Variants in TRPC5 observed in about 807,000 individuals in gnomAD.
TRPC5 encodes the protein short transient receptor potential channel 5.
TRPC5 carries 9 observed loss-of-function variants against 56.5 expected under a neutral mutation model. The ratio of observed to expected loss-of-function variants is 0.16; its 90% CI spans 0.10 to 0.28. The LOEUF (loss-of-function observed/expected upper bound fraction) is 0.28, where lower values mean the gene tolerates loss of function less well. TRPC5 is among the 10% of genes least tolerant of loss of function. The pLI is 1.00. For missense variants in TRPC5, 469 were observed against 748.9 expected, an observed-to-expected ratio of 0.63 and a Z score of 4.36; for synonymous variants, 282 against 278.5, an observed-to-expected ratio of 1.01 and a Z score of -0.13.
At chrX:112,064,464 C>T (rs147737480) in intron 1 of TRPC5, among the ~76,000 whole-genome samples, 3,585 of 111,945 alleles carry the variant, frequency 0.032, 74 homozygotes, top group Non-Finnish European at 0.05. Flanking sequence ...TATATTCCCT[C>T]CTGCAATGTG....
chrX:111,934,209 TAA>T (rs1403668253), intron 2 of TRPC5, among the ~76,000 whole-genome samples: 1 of 110,197 alleles, frequency 9.1e-6, no homozygotes, highest in Non-Finnish European at 1.9e-5. Flanking sequence ...ACCAGTGCCA[TAA>T]AGTGTTTCTC....
chrX:112,074,982 C>T (rs1268683592), intron 1 of TRPC5, among the ~76,000 whole-genome samples: 1 of 112,467 alleles, frequency 8.9e-6, no homozygotes, highest in African/African-American at 3.2e-5. Flanking sequence ...CAACATCAAA[C>T]ATCCTGCGAC....
chrX:111,997,358 C>T (rs1475005491), intron 1 of TRPC5, among the ~76,000 whole-genome samples: 5 of 111,832 alleles, frequency 4.5e-5, no homozygotes, highest in Admixed American at 9.5e-5. Flanking sequence ...GGGTTTCTGA[C>T]GAGAGATCTG....
intron 1 of TRPC5, among the ~76,000 whole-genome samples, chrX:112,064,178 AAT>A (rs746948567): frequency 8.9e-6 from 1 of 111,924 alleles, no homozygotes; most frequent in South Asian, 3.8e-4. Flanking sequence ...TTGAAATTAT[AAT>A]ATATCTTGCT....
intron 7 of TRPC5, among the ~76,000 whole-genome samples, chrX:111,832,215 C>A (rs887073098): frequency 8.9e-6 from 1 of 111,882 alleles, no homozygotes; most frequent in African/African-American, 3.3e-5. Flanking sequence ...CATGGAAATA[C>A]AAATTGCTAC....
chrX:111,979,214 C>T (rs917194218), intron 1 of TRPC5, among the ~76,000 whole-genome samples: 6 of 111,086 alleles, frequency 5.4e-5, no homozygotes, highest in Non-Finnish European at 9.5e-5. Flanking sequence ...AAAGGCAATT[C>T]GTGGATAAAG....
intron 1 of TRPC5, among the ~76,000 whole-genome samples, chrX:112,011,100 A>G (rs997950092): frequency 3.6e-5 from 4 of 111,332 alleles, no homozygotes; most frequent in African/African-American, 1.3e-4. Flanking sequence ...TAGGGGGAAA[A>G]AAGGATCAGC....
intron 2 of TRPC5, among the ~76,000 whole-genome samples, chrX:111,922,648 G>C (rs191105818): frequency 5.4e-5 from 6 of 112,060 alleles, no homozygotes; most frequent in Admixed American, 4.8e-4. Context: ...AGATGGAAAA[G>C]TATCTGTTTC....
intron 1 of TRPC5, among the ~76,000 whole-genome samples, chrX:111,987,438 A>G (rs1476419406): frequency 1.8e-5 from 2 of 111,115 alleles, no homozygotes; most frequent in Non-Finnish European, 3.8e-5. Flanking sequence ...GTAACTATAG[A>G]CCCCATGCTA....
At chrX:111,905,655 C>CT (rs1925568920) in intron 3 of TRPC5, among the ~76,000 whole-genome samples, 1 of 111,763 alleles carries the variant, frequency 8.9e-6, no homozygotes, top group East Asian at 2.8e-4. Flanking sequence ...TGGCTCACGC[C>CT]TGTAATCCCA....
At chrX:111,804,351 T>C (rs896686765) in intron 7 of TRPC5, among the ~76,000 whole-genome samples, 5 of 112,091 alleles carry the variant, frequency 4.5e-5, no homozygotes, top group Non-Finnish European at 9.4e-5. Context: ...TTTGGTTCCA[T>C]ATGAACTTTA....
rs1422683761 is a variant in TRPC5, at chrX:111,768,171, A to G, written c.*8142T>C. 8.9e-6 allele frequency among the ~76,000 whole-genome samples: 1 copy of G among 112,489 alleles called. No individual in the cohort carries two copies. Among genetic ancestry groups the G allele is most frequent in the East Asian group, 2.8e-4 (1 of 3,608 alleles). On this transcript the variant is annotated 3_prime_UTR_variant, in exon 11 of 11. Transcript: ENST00000262839. The stretch of plus-strand genomic sequence containing the variant: ...GTGATAGTTATTCAAAGAGATTTCC[A>G]CTTTGAAAATAGTCTTCAAAGCCAG...
At chrX:112,028,498 T>A (rs754092825) in intron 1 of TRPC5, among the ~76,000 whole-genome samples, 1 of 111,577 alleles carries the variant, frequency 9.0e-6, no homozygotes, top group African/African-American at 3.3e-5. Flanking sequence ...ATTGTTCAAC[T>A]CCCACCTGTG....
intron 3 of TRPC5, among the ~76,000 whole-genome samples, chrX:111,884,363 T>C (rs1386932071): frequency 8.9e-6 from 1 of 112,608 alleles, no homozygotes; most frequent in African/African-American, 3.2e-5. Context: ...TGCCAGGCCC[T>C]AGCTTATTAA....
chrX:111,785,126 G>C (rs753977092), intron 7 of TRPC5, among the ~76,000 whole-genome samples: 63 of 112,468 alleles, frequency 5.6e-4, no homozygotes, highest in Non-Finnish European at 1.1e-3. Flanking sequence ...GTGGGACCCT[G>C]ACCCTCGTGT....
rs866787021 is a variant in TRPC5 at position 111,774,342 on chromosome X, C to T, written c.*1971G>A. The T allele has an allele frequency of 1.2e-4, 13 of 111,573 alleles. No homozygotes were observed. Among genetic ancestry groups the T allele is most frequent in the African/African-American group, 4.2e-4 (13 of 30,731 alleles). The allele number at this position is 111,573 out of a possible 1,213,427, so 9.2% of individuals were successfully genotyped here. A position where few individuals can be genotyped will look rare whatever the true frequency, so the allele number is the denominator to read the frequency against. ...CTGTTAATATGAGTTAGGAATGTAG[C>T]CCAGGTTCTATTATTATTCAAAGTG... On this transcript the variant is annotated 3_prime_UTR_variant, in exon 11 of 11. Coordinates refer to ENST00000262839, the MANE Select transcript of TRPC5 (RefSeq NM_012471.3).
At chrX:112,007,302 G>A (rs1438603646) in intron 1 of TRPC5, among the ~76,000 whole-genome samples, 1 of 111,847 alleles carries the variant, frequency 8.9e-6, no homozygotes, top group Non-Finnish European at 1.9e-5. Flanking sequence ...CATACTTGGT[G>A]TTTAGATGAG....
At chrX:111,925,531 G>A (rs1245144668) in intron 2 of TRPC5, among the ~76,000 whole-genome samples, 1 of 111,897 alleles carries the variant, frequency 8.9e-6, no homozygotes, top group Non-Finnish European at 1.9e-5. Context: ...ATCATGGTCT[G>A]TTGCTTATAG....
intron 1 of TRPC5, among the ~76,000 whole-genome samples, chrX:111,952,852 T>C (rs1056082898): frequency 8.9e-6 from 1 of 111,844 alleles, no homozygotes; most frequent in African/African-American, 3.3e-5. Context: ...ATATACATTA[T>C]CAAAGCAACT....
Sources: allele counts gnomAD v4.1 joint callset (sites outside exome capture counted in the v4.1 genomes callset), GRCh38; gene constraint gnomAD v4.1.1; transcripts MANE v1.5; gene names NCBI Gene and HGNC (gene_info 2026-07-23, HGNC 2026-07-21).